GFOD1: variants seen among roughly 807,000 people sequenced by gnomAD.
GFOD1 encodes the protein Gfo/Idh/MocA-like oxidoreductase domain containing 1, also known as glucose-fructose oxidoreductase domain-containing protein 1.
Under a neutral mutation model 25.4 loss-of-function variants are expected in GFOD1, and 9 were observed. That is an observed-to-expected ratio of 0.35 (90% CI 0.21 to 0.62). The LOEUF is 0.62. Among genes scored for constraint, GFOD1 ranks in the 20% least tolerant of loss-of-function variants. GFOD1 has a pLI of 0.72. For synonymous variants in GFOD1, 253 were observed against 245.6 expected (o/e 1.03, Z -0.28); for missense variants, 403 against 556.9 (o/e 0.72, Z 2.78).
intron 1 of GFOD1, among the ~76,000 whole-genome samples, chr6:13,455,042 G>A (rs2127574425): frequency 6.6e-6 from 1 of 152,222 alleles, no homozygotes; most frequent in East Asian, 1.9e-4. Flanking sequence ...TAGAGTTTAG[G>A]GTTTCGTCAT....
chr6:13,429,415 T>C (rs944826400), intron 1 of GFOD1, among the ~76,000 whole-genome samples: 3 of 152,232 alleles, frequency 2.0e-5, no homozygotes, highest in East Asian at 1.9e-4. Flanking sequence ...TTGAATGCAA[T>C]TGAATGCCTA....
chr6:13,390,780 A>AGAGAAAGGAAGGAAGGAAGGAAGG (rs1491481409), intron 1 of GFOD1, among the ~76,000 whole-genome samples: 13 of 117,950 alleles, frequency 1.1e-4, no homozygotes, highest in South Asian at 3.2e-4. Context: ...AGAGAGAGAG[A>AGAGAAAGGAAGGAAGGAAGGAAGG]AAGGAAGGAA....
At chr6:13,470,323 ATG>A (rs1174070789) in intron 1 of GFOD1, 1 of 1,575,096 alleles carries the variant, frequency 6.3e-7, no homozygotes, top group East Asian at 2.3e-5. Context: ...TCAGGCAAGA[ATG>A]TGCAGCTAAA....
At chr6:13,417,671 C>T (rs538211380) in intron 1 of GFOD1, among the ~76,000 whole-genome samples, 4 of 152,318 alleles carry the variant, frequency 2.6e-5, no homozygotes, top group South Asian at 2.1e-4. Context: ...CAGGCACAGA[C>T]GCAGAACAAC....
Position 13,358,877 on chromosome 6 carries a change from A to G in GFOD1, c.*5866T>C, listed in dbSNP as rs561008464. On this transcript the variant is annotated 3_prime_UTR_variant, in exon 2 of 2. Transcript: ENST00000379287. ...GACTCTATTCACTGCTGGTGTAAACAGAAAGGAGTATTCAGTAGTGCAACA... is the reference window on the plus strand; with the variant it reads ...GACTCTATTCACTGCTGGTGTAAACGGAAAGGAGTATTCAGTAGTGCAACA... 1 of 152,408 alleles carries G rather than the reference A, an allele frequency of 6.6e-6. No individual in the cohort carries two copies. Among genetic ancestry groups the G allele is most frequent in the South Asian group, 2.1e-4 (1 of 4,834 alleles). 9.4% of individuals were successfully genotyped at this position (152,408 alleles called of 1,614,324 possible).
Position 13,467,360 on chromosome 6 carries a change from GTCAC to G in GFOD1, c.253+19274_253+19277del, listed in dbSNP as rs939048042. Among the ~76,000 whole-genome samples, 43 of 152,172 alleles carry G rather than the reference GTCAC, an allele frequency of 2.8e-4. 1 individual carries two copies. The highest frequency in any genetic ancestry group is 2.1e-3 in the East Asian group (11 of 5,182). On this transcript the variant is annotated intron_variant, in intron 1 of 1. Coordinates refer to ENST00000379287, the MANE Select transcript of GFOD1 (RefSeq NM_018988.4). ...AGCAGGGTGAAGTCACTTGCCCAAG[GTCAC>G]ACCGCTAATTAGTATGGTGTCAGGA... is the stretch of plus-strand genomic sequence containing the variant.
chr6:13,471,939 A>T (rs1372292343), intron 1 of GFOD1: 9 of 153,632 alleles, frequency 5.9e-5, no homozygotes, highest in African/African-American at 2.2e-4. Flanking sequence ...TGATAAAGAC[A>T]TACCCAAGAC....
intron 1 of GFOD1, among the ~76,000 whole-genome samples, chr6:13,468,171 T>C (rs2560816): frequency 0.92 from 139,776 of 152,198 alleles, 65,322 homozygotes; most frequent in East Asian, 1. Context: ...GGCTCCTTAC[T>C]AGACTTTAAT....
chr6:13,459,877 T>C (rs1194139762), intron 1 of GFOD1, among the ~76,000 whole-genome samples: 1 of 152,240 alleles, frequency 6.6e-6, no homozygotes, highest in Non-Finnish European at 1.5e-5. Context: ...CTCACACCTG[T>C]AATCCCAGCA....
chr6:13,445,679 T>C (rs1400670025), intron 1 of GFOD1, among the ~76,000 whole-genome samples: 1 of 152,188 alleles, frequency 6.6e-6, no homozygotes, highest in East Asian at 1.9e-4. Context: ...AAGGCAACAT[T>C]TTTTCCCTTA....
At chr6:13,479,400 C>T (rs1286605435) in intron 1 of GFOD1, among the ~76,000 whole-genome samples, 1 of 152,146 alleles carries the variant, frequency 6.6e-6, no homozygotes, top group Non-Finnish European at 1.5e-5. Flanking sequence ...ATGATTATGA[C>T]TCCCAAAGTC....
At chr6:13,390,780 AAAGGAAGGAAGGAAGG>A (rs58707530) in intron 1 of GFOD1, among the ~76,000 whole-genome samples, 32 of 117,950 alleles carry the variant, frequency 2.7e-4, no homozygotes, top group East Asian at 7.1e-4. Context: ...AGAGAGAGAG[AAAGGAAGGAAGGAAGG>A]AAGGAAGGAA....
intron 1 of GFOD1, among the ~76,000 whole-genome samples, chr6:13,423,606 T>C (rs1786298032): frequency 1.3e-5 from 2 of 152,184 alleles, no homozygotes; most frequent in African/African-American, 4.8e-5. Context: ...AGGTCCACTT[T>C]ACCATACAGA....
At chr6:13,486,572 G>C in intron 1 of GFOD1, 66 bp downstream of exon 1, 1 of 1,346,844 alleles carries the variant, frequency 7.4e-7, no homozygotes, top group Non-Finnish European at 1.0e-6. Context: ...AAGGCAGGGG[G>C]GAAGGAACCT....
At chr6:13,398,867 C>T (rs568214103) in intron 1 of GFOD1, among the ~76,000 whole-genome samples, 19 of 152,298 alleles carry the variant, frequency 1.2e-4, no homozygotes, top group Admixed American at 5.9e-4. Flanking sequence ...CTTTTGAAAG[C>T]TCTCTATTGA....
intron 1 of GFOD1, among the ~76,000 whole-genome samples, chr6:13,366,558 ACTC>A (rs1261762618): frequency 6.6e-6 from 1 of 150,980 alleles, no homozygotes; most frequent in Non-Finnish European, 1.5e-5. Flanking sequence ...CTAGTCTGGA[ACTC>A]CTGACCTCAT....
intron 1 of GFOD1, chr6:13,469,593 C>T: frequency 9.5e-7 from 1 of 1,057,920 alleles, no homozygotes; most frequent in Non-Finnish European, 1.1e-6. Context: ...AATTCTGATT[C>T]CACTTGTTCT....
chr6:13,364,573 T>G lies in GFOD1; in HGVS notation c.*170A>C. ...AGCTCAGCCCACCAACAGTCTGGTT[T>G]GGGGTCGGTCACCGGGATTGGAGTT... On this transcript the variant is annotated 3_prime_UTR_variant, in exon 2 of 2. Coordinates refer to ENST00000379287, the MANE Select transcript of GFOD1 (RefSeq NM_018988.4). The surrounding 1 kb of genome is among the most constrained non-coding windows in gnomAD (Gnocchi z 4.1). The G allele has an allele frequency of 1.6e-6, 1 of 618,748 alleles. No homozygotes were observed. The highest frequency in any genetic ancestry group is 2.8e-6 in the Non-Finnish European group (1 of 354,850). 38.3% of individuals were successfully genotyped at this position (618,748 alleles called of 1,614,324 possible).
At chr6:13,377,044 T>C (rs1424466460) in intron 1 of GFOD1, among the ~76,000 whole-genome samples, 1 of 150,642 alleles carries the variant, frequency 6.6e-6, no homozygotes, top group Non-Finnish European at 1.5e-5. Context: ...TAAAAGCCAA[T>C]ATATTTCACA....
Sources: allele counts gnomAD v4.1 joint callset (sites outside exome capture counted in the v4.1 genomes callset), GRCh38; gene constraint gnomAD v4.1.1; non-coding constraint Gnocchi (gnomAD v3.1); transcripts MANE v1.5; gene names NCBI Gene and HGNC (gene_info 2026-07-23, HGNC 2026-07-21).